Variants in CLASP1 observed in about 807,000 individuals in gnomAD.
CLASP1 encodes the protein CLIP-associating protein 1.
CLASP1 carries 38 observed loss-of-function variants against 192.3 expected under a neutral mutation model. The ratio of observed to expected loss-of-function variants is 0.20; its 90% CI spans 0.15 to 0.26. The LOEUF (loss-of-function observed/expected upper bound fraction) is 0.26. Ranked by LOEUF, CLASP1 falls within the 10% of genes least tolerant of loss-of-function variation. CLASP1 has a pLI of 1.00. For missense variants in CLASP1, 1,433 were observed against 1,932.5 expected (o/e 0.74, Z 4.85); for synonymous variants, 691 against 712.8 (o/e 0.97, Z 0.49).
At chr2:121,340,652 G>T (rs565666664) in exon 40 of CLASP1, 72 of 546,534 alleles carry the variant, frequency 1.3e-4, no homozygotes, top group African/African-American at 1.3e-3. Context: ...CTTTTGTTTT[G>T]TATGAAGACT....
chr2:121,459,681 G>A (rs2087487635), intron 12 of CLASP1: 1 of 234,986 alleles, frequency 4.3e-6, no homozygotes, highest in Non-Finnish European at 8.2e-6. Flanking sequence ...AAAAATCAAT[G>A]AAAAATCAGA....
At chr2:121,512,734 T>C (rs548293841) in intron 7 of CLASP1, among the ~76,000 whole-genome samples, 1 of 152,332 alleles carries the variant, frequency 6.6e-6, no homozygotes, top group South Asian at 2.1e-4. Flanking sequence ...AAGAAAATTG[T>C]TGCTTGAATG....
At chr2:121,530,223 C>T (rs1339112423) in intron 3 of CLASP1, 24 bp downstream of exon 3, 2 of 1,542,348 alleles carry the variant, frequency 1.3e-6, no homozygotes, top group Admixed American at 2.0e-5. Flanking sequence ...GGGCCGGGTC[C>T]GCTCCACAAG....
chr2:121,358,905 T>G (rs60134653), intron 37 of CLASP1, among the ~76,000 whole-genome samples: 2,363 of 152,354 alleles, frequency 0.016, 43 homozygotes, highest in African/African-American at 0.054. Flanking sequence ...TGAATGATGC[T>G]AATATTTTCC....
At chr2:121,626,094 A>G in intron 1 of CLASP1, among the ~76,000 whole-genome samples, 1 of 145,434 alleles carries the variant, frequency 6.9e-6, no homozygotes, top group Non-Finnish European at 1.5e-5. Flanking sequence ...GCGAGACTCC[A>G]TCTCAAAAAA....
chr2:121,498,958 C>T (rs1050830220), intron 8 of CLASP1, among the ~76,000 whole-genome samples: 10 of 152,194 alleles, frequency 6.6e-5, no homozygotes, highest in Non-Finnish European at 1.2e-4. Context: ...GAAACTCTTA[C>T]AGGTTGCTGG....
At chr2:121,617,756 C>T (rs2066695232) in intron 1 of CLASP1, among the ~76,000 whole-genome samples, 1 of 152,186 alleles carries the variant, frequency 6.6e-6, no homozygotes, top group Non-Finnish European at 1.5e-5. Flanking sequence ...TTCCAGATCT[C>T]TGTTGGTGGG....
intron 2 of CLASP1, among the ~76,000 whole-genome samples, chr2:121,579,250 C>G (rs1261510786): frequency 6.6e-6 from 1 of 152,204 alleles, no homozygotes; most frequent in African/African-American, 2.4e-5. Flanking sequence ...CTGGGGGGAT[C>G]TGAAGGAGCT....
Position 121,579,620 on chromosome 2 carries a change from T to C in CLASP1, c.195+26081A>G, listed in dbSNP as rs1193152418. ...GATCTCCATTCTATGAGGTTTGTAA[T>C]ATACAAAGAACATGCTTTAACTCCA... On this transcript the variant is annotated intron_variant, in intron 2 of 39. Coordinates refer to ENST00000263710, the Ensembl canonical transcript of CLASP1. Among the ~76,000 whole-genome samples, 5 of 152,308 alleles carry C rather than the reference T, an allele frequency of 3.3e-5. 1 individual carries two copies. The highest frequency in any genetic ancestry group is 1.5e-5 in the Non-Finnish European group (1 of 68,028).
chr2:121,473,522 G>A lies in CLASP1; in HGVS notation c.713-3562C>T, dbSNP rs955511779. 7.2e-5 allele frequency among the ~76,000 whole-genome samples: 11 copies of A among 152,154 alleles called. 1 individual carries two copies. The highest frequency in any genetic ancestry group is 1.3e-4 in the Admixed American group (2 of 15,272). ...CAGTCTAACACACACAACACTGCAG[G>A]CCTGCAGGACGAGGGGAAGAAGGGG... On this transcript the variant is annotated intron_variant, in intron 8 of 39. Transcript: ENST00000263710.
At chr2:121,384,104 ATATG>A (rs1405575385) in intron 32 of CLASP1, among the ~76,000 whole-genome samples, 3 of 137,026 alleles carry the variant, frequency 2.2e-5, no homozygotes, top group African/African-American at 7.9e-5. Context: ...ACACACATAT[ATATG>A]TATATATATA....
chr2:121,624,113 CT>C (rs1369091269), intron 1 of CLASP1, among the ~76,000 whole-genome samples: 1 of 151,948 alleles, frequency 6.6e-6, no homozygotes, highest in African/African-American at 2.4e-5. Flanking sequence ...ATTTTCCCTA[CT>C]TTTTTTCCCT....
rs1255471034 is a variant in CLASP1 at position 121,430,220 on chromosome 2, A to G, written c.1913-43T>C. 7 of 1,415,584 alleles carry G rather than the reference A, an allele frequency of 4.9e-6. No individual in the cohort carries two copies. The African/African-American group carries it at 9.9e-5, about 20-fold the overall frequency. 87.7% of individuals were successfully genotyped at this position (1,415,584 alleles called of 1,614,324 possible). ...AACAGTGTTTCACAACATTTCCAGTAAGTGCCACCTCCTCAAGAAAAGAAG... is the reference window on the plus strand; with the variant it reads ...AACAGTGTTTCACAACATTTCCAGTGAGTGCCACCTCCTCAAGAAAAGAAG... On this transcript the variant is annotated intron_variant, in intron 19 of 39. Coordinates refer to ENST00000263710, the Ensembl canonical transcript of CLASP1.
At chr2:121,521,898 G>A (rs891195926) in intron 6 of CLASP1, among the ~76,000 whole-genome samples, 3 of 152,154 alleles carry the variant, frequency 2.0e-5, no homozygotes, top group Non-Finnish European at 2.9e-5. Context: ...AAATAGTTAT[G>A]GGGCATTGGG....
intron 1 of CLASP1, among the ~76,000 whole-genome samples, chr2:121,649,021 G>A (rs1247775997): frequency 6.6e-6 from 1 of 152,110 alleles, no homozygotes; most frequent in Non-Finnish European, 1.5e-5. Flanking sequence ...CGGGCTCGCT[G>A]GCTTCTCCCA....
At position 121,367,528 on chromosome 2, in the gene CLASP1, C is replaced by A. The variant is rs2304663; in HGVS notation, c.3886+60G>T. On this transcript the variant is annotated intron_variant, in intron 35 of 39. Transcript: ENST00000263710. ...ACCAGTGGGCCTGGTGCTGGCCAGA[C>A]GGGAGGGAGCACAAGGGAAGCACTT... 28 of 1,604,290 alleles carry A rather than the reference C, an allele frequency of 1.7e-5. No individual in the cohort carries two copies. The African/African-American group carries it at 3.5e-4, about 20-fold the overall frequency.
chr2:121,593,622 G>T (rs1380376281), intron 2 of CLASP1, among the ~76,000 whole-genome samples: 1 of 79,968 alleles, frequency 1.3e-5, no homozygotes, highest in African/African-American at 1.0e-4. Context: ...GAAAAACTCC[G>T]TCTCAAAAAA....
At chr2:121,578,162 A>G (rs1422100017) in intron 2 of CLASP1, among the ~76,000 whole-genome samples, 1 of 152,006 alleles carries the variant, frequency 6.6e-6, no homozygotes, top group African/African-American at 2.4e-5. Flanking sequence ...CGAACTCATT[A>G]GCTCACGCAA....
intron 2 of CLASP1, among the ~76,000 whole-genome samples, chr2:121,575,887 A>G (rs2060469788): frequency 6.6e-6 from 1 of 152,198 alleles, no homozygotes; most frequent in African/African-American, 2.4e-5. Flanking sequence ...AGAGAAGGAG[A>G]CACAGTTAAA....
Sources: allele counts gnomAD v4.1 joint callset (sites outside exome capture counted in the v4.1 genomes callset), GRCh38; gene constraint gnomAD v4.1.1; transcripts MANE v1.5; gene names NCBI Gene and HGNC (gene_info 2026-07-23, HGNC 2026-07-21).